The following ITPR1 variants were observed in gnomAD, a reference collection of about 807,000 sequenced individuals.
The protein encoded by ITPR1 is inositol 1,4,5-trisphosphate-gated calcium channel ITPR1.
ITPR1 carries 96 observed loss-of-function variants against 318.4 expected under a neutral mutation model. That is an observed-to-expected ratio of 0.30 (90% CI 0.26 to 0.36). The LOEUF (loss-of-function observed/expected upper bound fraction) is 0.36. ITPR1 is among the 10% of genes least tolerant of loss of function. The probability of loss-of-function intolerance (pLI) is 1.00; values close to 1 mark genes in which losing one functional copy is unlikely to be tolerated. For synonymous variants in ITPR1, 1,312 were observed against 1,289.9 expected, an observed-to-expected ratio of 1.02 and a Z score of -0.37; for missense variants, 2,440 against 3,460.2, an observed-to-expected ratio of 0.71 and a Z score of 7.40.
At chr3:4,496,825 G>A (rs2080615965) in intron 2 of ITPR1, among the ~76,000 whole-genome samples, 1 of 152,106 alleles carries the variant, frequency 6.6e-6, no homozygotes, top group Admixed American at 6.5e-5. Flanking sequence ...ATTTCTTCAT[G>A]AGCAGCTCTT....
intron 55 of ITPR1, 98 bp from the exon 56 acceptor site, chr3:4,811,166 TA>T: frequency 1.3e-6 from 1 of 756,360 alleles, no homozygotes; most frequent in South Asian, 2.4e-5. Flanking sequence ...TTTGAGTGTC[TA>T]AGAGGGCAAA....
At chr3:4,703,055 C>A in intron 36 of ITPR1, 105 bp downstream of exon 36, 1 of 1,303,660 alleles carries the variant, frequency 7.7e-7, no homozygotes, top group Non-Finnish European at 1.1e-6. Context: ...TAAAGTTACA[C>A]AGACAGGAAG....
In ITPR1 at chr3:4,662,073, G is replaced by C. The variant is rs767443549; in HGVS notation, c.1252-9G>C. On this transcript the variant is annotated splice_polypyrimidine_tract_variant and intron_variant, in intron 14 of 61. Transcript: ENST00000649015. ...GAGATTATCTCACAAGGACCACCTTGAATTTCAGATTGGCACCTCTCCTGT... is the reference window on the plus strand; with the variant it reads ...GAGATTATCTCACAAGGACCACCTTCAATTTCAGATTGGCACCTCTCCTGT... The C allele has an allele frequency of 3.1e-6, 5 of 1,611,718 alleles. No homozygotes were observed. The highest frequency in any genetic ancestry group is 1.7e-6 in the Non-Finnish European group (2 of 1,178,382).
At chr3:4,688,980 C>T (rs942163571) in intron 31 of ITPR1, among the ~76,000 whole-genome samples, 3 of 152,146 alleles carry the variant, frequency 2.0e-5, no homozygotes, top group Non-Finnish European at 4.4e-5. Flanking sequence ...GCTATGTATA[C>T]ATATATAATA....
chr3:4,535,599 C>T (rs895813307), intron 4 of ITPR1, among the ~76,000 whole-genome samples: 7 of 151,540 alleles, frequency 4.6e-5, no homozygotes, highest in East Asian at 1.9e-4. Context: ...CCTGCCACCA[C>T]GCCCGGCTAA....
chr3:4,676,583 T>A (rs1310584745), intron 23 of ITPR1, 31 bp from the exon 24 acceptor site: 2 of 1,581,302 alleles, frequency 1.3e-6, no homozygotes, highest in Non-Finnish European at 1.7e-6. Flanking sequence ...CTAGAGACAT[T>A]GTGACCGTGG....
intron 4 of ITPR1, among the ~76,000 whole-genome samples, chr3:4,535,846 TCTC>T (rs899887549): frequency 1.3e-5 from 2 of 152,054 alleles, no homozygotes; most frequent in African/African-American, 4.8e-5. Context: ...GGGGCCAACG[TCTC>T]CTAGTTCTGA....
chr3:4,830,196 G>A (rs1037538701), intron 60 of ITPR1, among the ~76,000 whole-genome samples: 6 of 151,644 alleles, frequency 4.0e-5, no homozygotes, highest in African/African-American at 9.7e-5. Context: ...GGTTGGTCTC[G>A]AACTCCTGAC....
At chr3:4,567,121 A>G (rs1025420055) in intron 4 of ITPR1, among the ~76,000 whole-genome samples, 9 of 152,162 alleles carry the variant, frequency 5.9e-5, no homozygotes, top group African/African-American at 2.2e-4. Context: ...AGAGTTAAAC[A>G]AGTTGATATG....
chr3:4,696,765 A>G (rs1284804341), intron 33 of ITPR1, among the ~76,000 whole-genome samples: 1 of 148,312 alleles, frequency 6.7e-6, no homozygotes, highest in Non-Finnish European at 1.5e-5. Flanking sequence ...TATCTATCAT[A>G]TAAGCACAGA....
chr3:4,595,876 G>T (rs79663240), intron 4 of ITPR1, among the ~76,000 whole-genome samples: 4,211 of 152,158 alleles, frequency 0.028, 123 homozygotes, highest in East Asian at 0.14. Context: ...AATCAGAAAG[G>T]TCAGGTATGG....
intron 60 of ITPR1, among the ~76,000 whole-genome samples, chr3:4,829,437 T>A (rs996314502): frequency 6.0e-5 from 9 of 150,878 alleles, no homozygotes; most frequent in Non-Finnish European, 1.0e-4. Flanking sequence ...TGGAATCCCA[T>A]TTTTAAAAAA....
chr3:4,580,623 T>C (rs952721394), intron 4 of ITPR1, among the ~76,000 whole-genome samples: 7 of 151,054 alleles, frequency 4.6e-5, no homozygotes, highest in African/African-American at 9.9e-5. Context: ...GGATGTGGCC[T>C]TTGCCTTGCC....
chr3:4,623,530 C>T (rs1011058669), intron 4 of ITPR1, among the ~76,000 whole-genome samples: 1 of 152,150 alleles, frequency 6.6e-6, no homozygotes, highest in African/African-American at 2.4e-5. Context: ...TATGTACACA[C>T]ATGTGTTCTC....
Position 4,717,943 on chromosome 3 carries a change from G to A in ITPR1, c.5136+544G>A, listed in dbSNP as rs190051221. 2.6e-3 allele frequency among the ~76,000 whole-genome samples: 403 copies of A among 152,270 alleles called. 6 individuals are homozygous for A. The highest frequency in any genetic ancestry group is 6.8e-4 in the Non-Finnish European group (46 of 68,034). On this transcript the variant is annotated intron_variant, in intron 40 of 61. Coordinates refer to ENST00000649015, the MANE Select transcript of ITPR1 (RefSeq NM_001378452.1). ...GAGACTTTCCATCCGCAGGCTCACC[G>A]GCAAGGTTAGAAATGTCCTGTATCC...
chr3:4,526,071 T>A (rs919358278), intron 4 of ITPR1, among the ~76,000 whole-genome samples: 7 of 152,246 alleles, frequency 4.6e-5, no homozygotes, highest in Admixed American at 3.9e-4. Flanking sequence ...AGTCAGGCTC[T>A]TGCTTTCAAA....
At chr3:4,766,391 G>T (rs1007734099) in intron 44 of ITPR1, 139 bp from the exon 45 acceptor site, 2 of 637,008 alleles carry the variant, frequency 3.1e-6, no homozygotes, top group African/African-American at 3.6e-5. Context: ...GTGTGGAGTG[G>T]TCCTTAATGT....
At position 4,702,810 on chromosome 3, in the gene ITPR1, C is replaced by A. The variant is rs780825875; in HGVS notation, c.4537-20C>A. The A allele has an allele frequency of 7.4e-6, 12 of 1,611,916 alleles. No homozygotes were observed. The highest frequency in any genetic ancestry group is 1.7e-5 in the Admixed American group (1 of 59,740). ...AAATAAAAATCTGTTTTTCACGTTG[C>A]CTCTTTTGGCTTCTTGCAGACTCGC... is the stretch of plus-strand genomic sequence containing the variant. On this transcript the variant is annotated intron_variant, in intron 35 of 61. Coordinates refer to ENST00000649015, the MANE Select transcript of ITPR1 (RefSeq NM_001378452.1).
At chr3:4,777,995 G>A (rs2046587240) in intron 48 of ITPR1, among the ~76,000 whole-genome samples, 1 of 152,208 alleles carries the variant, frequency 6.6e-6, no homozygotes, top group Non-Finnish European at 1.5e-5. Context: ...GACTGATGTG[G>A]AAGCCCCACT....
Sources: allele counts gnomAD v4.1 joint callset (sites outside exome capture counted in the v4.1 genomes callset), GRCh38; gene constraint gnomAD v4.1.1; transcripts MANE v1.5; gene names NCBI Gene and HGNC (gene_info 2026-07-23, HGNC 2026-07-21).